PPP1R9A: variants seen among roughly 807,000 people sequenced by gnomAD.
The protein encoded by PPP1R9A is neurabin-1.
In PPP1R9A, 59 loss-of-function variants were observed where a neutral mutation model predicts 141.9. The ratio of observed to expected loss-of-function variants is 0.42; its 90% CI spans 0.34 to 0.52. The LOEUF (loss-of-function observed/expected upper bound fraction) is 0.52, where lower values mean the gene tolerates loss of function less well. Among genes scored for constraint, PPP1R9A ranks in the 20% least tolerant of loss-of-function variants. The pLI, the probability that PPP1R9A is intolerant of heterozygous loss-of-function variation, is 0.10. For synonymous variants in PPP1R9A, 500 were observed against 569.7 expected, an observed-to-expected ratio of 0.88 and a Z score of 1.74; for missense variants, 1,444 against 1,611.9, an observed-to-expected ratio of 0.90 and a Z score of 1.78.
chr7:95,040,270 A>G (rs900168036), intron 2 of PPP1R9A, among the ~76,000 whole-genome samples: 1 of 152,058 alleles, frequency 6.6e-6, no homozygotes, highest in African/African-American at 2.4e-5. Context: ...AAAAAAGTGT[A>G]TAAGTAAAAA....
At chr7:95,174,465 C>T (rs928580680) in intron 5 of PPP1R9A, among the ~76,000 whole-genome samples, 11 of 151,994 alleles carry the variant, frequency 7.2e-5, no homozygotes, top group South Asian at 2.1e-4. Flanking sequence ...ATACATTTAT[C>T]GAAACTCCTC....
chr7:95,226,753 G>A (rs1358308730), intron 8 of PPP1R9A, among the ~76,000 whole-genome samples: 1 of 152,172 alleles, frequency 6.6e-6, no homozygotes, highest in Non-Finnish European at 1.5e-5. Context: ...AGGCAAGGGA[G>A]TATGGTGATG....
At chr7:95,078,103 T>C (rs1204303550) in intron 2 of PPP1R9A, among the ~76,000 whole-genome samples, 3 of 149,902 alleles carry the variant, frequency 2.0e-5, no homozygotes, top group Non-Finnish European at 4.4e-5. Flanking sequence ...TAGCATTAGG[T>C]ATATCTCCTA....
rs571604498 is a variant in PPP1R9A at position 95,085,266 on chromosome 7, T to A, written c.1396-25993T>A. Among the ~76,000 whole-genome samples the A allele has an allele frequency of 1.1e-3, 171 of 151,942 alleles. 1 individual carries two copies. The highest frequency in any genetic ancestry group is 2.1e-3 in the Non-Finnish European group (142 of 68,006). On this transcript the variant is annotated intron_variant, in intron 2 of 19. Coordinates refer to ENST00000433360, the MANE Select transcript of PPP1R9A (RefSeq NM_001166160.2). ...TATTTATATGAATTTGAGAGCTGTC[T>A]CATAAAAAGAGGAAAACAAGAGATG...
In PPP1R9A at chr7:95,108,302, C is replaced by CGTTTCTTTT. The variant is rs1204011323; in HGVS notation, c.1396-2957_1396-2956insGTTTCTTTT. On this transcript the variant is annotated intron_variant, in intron 2 of 19. Coordinates refer to ENST00000433360, the MANE Select transcript of PPP1R9A (RefSeq NM_001166160.2). ...TTTTCTTTTCTTTTCTTTTTCGTTTCTTTTCTTTTTTTTTTTTTTTTTTTT... is the reference window on the plus strand; with the variant it reads ...TTTTCTTTTCTTTTCTTTTTCGTTTCGTTTCTTTTTTTTCTTTTTTTTTTTTTTTTTTTT... Among the ~76,000 whole-genome samples, 14 of 68,760 alleles carry CGTTTCTTTT rather than the reference C, an allele frequency of 2.0e-4. 1 individual carries two copies. The highest frequency in any genetic ancestry group is 5.9e-4 in the African/African-American group (11 of 18,708). 45.1% of individuals were successfully genotyped at this position (68,760 alleles called of 152,430 possible).
At chr7:95,220,117 T>C (rs935003390) in intron 7 of PPP1R9A, among the ~76,000 whole-genome samples, 2 of 152,080 alleles carry the variant, frequency 1.3e-5, no homozygotes, top group South Asian at 4.1e-4. Context: ...ACTAACATTA[T>C]AAAATTAGGA....
chr7:95,157,530 C>A (rs1584998114), intron 4 of PPP1R9A, among the ~76,000 whole-genome samples: 1 of 152,182 alleles, frequency 6.6e-6, no homozygotes, highest in South Asian at 2.1e-4. Context: ...TTACGCTTGT[C>A]CCCTGCTGCC....
chr7:95,012,842 A>G (rs1170893857), intron 2 of PPP1R9A, among the ~76,000 whole-genome samples: 1 of 152,308 alleles, frequency 6.6e-6, no homozygotes, highest in East Asian at 1.9e-4. Flanking sequence ...ATCACTCAAT[A>G]TGGATTGATT....
In PPP1R9A at chr7:95,218,923, A is replaced by G. The variant is rs557745727; in HGVS notation, c.1957-7038A>G. On this transcript the variant is annotated intron_variant, in intron 7 of 19. Coordinates refer to ENST00000433360, the MANE Select transcript of PPP1R9A (RefSeq NM_001166160.2). The stretch of plus-strand genomic sequence containing the variant: ...CTGATGGGTCTTGACTCTTTATCCA[A>G]TTTGCCAGTCTGTGTCTTTTAATTG... 4.9e-3 allele frequency among the ~76,000 whole-genome samples: 741 copies of G among 152,166 alleles called. 3 individuals are homozygous for G. The highest frequency in any genetic ancestry group is 0.017 in the African/African-American group (696 of 41,524).
At chr7:94,920,192 C>T (rs1383965217) in intron 2 of PPP1R9A, among the ~76,000 whole-genome samples, 1 of 152,020 alleles carries the variant, frequency 6.6e-6, no homozygotes, top group Admixed American at 6.6e-5. Context: ...ATTTTTAGAG[C>T]AACTTGACTT....
At chr7:95,057,058 G>T (rs1811596988) in intron 2 of PPP1R9A, among the ~76,000 whole-genome samples, 1 of 152,028 alleles carries the variant, frequency 6.6e-6, no homozygotes, top group African/African-American at 2.4e-5. Flanking sequence ...ACTTCACTTA[G>T]AAAAGAAAAA....
Position 95,284,065 on chromosome 7 carries a change from C to T in PPP1R9A, c.3344C>T (p.Thr1115Ile). 6.9e-6 allele frequency: 11 copies of T among 1,598,100 alleles called. No individual in the cohort carries two copies. Among genetic ancestry groups the T allele is most frequent in the Non-Finnish European group, 9.3e-6 (11 of 1,178,642 alleles). The stretch of plus-strand genomic sequence containing the variant: ...AACTGGACACCCAAGCCATGTTCAA[C>T]AGCTCAGACCTCCACTCGTTCCCCT... ...LENWTPKPCSTAQTSTRSPCM... is the reference protein window; with the variant it reads ...LENWTPKPCSIAQTSTRSPCM... Residue 1115 changes from threonine (T) to isoleucine (I), a missense_variant, in exon 17 of 20, where the codon ACA becomes ATA. Physicochemically the swap from Thr to Ile is moderately conservative, Grantham distance 89. This residue lies in a region of PPP1R9A where 459 missense variants were observed against 513.8 expected (regional missense o/e 0.89). Coordinates refer to ENST00000433360, the MANE Select transcript of PPP1R9A (RefSeq NM_001166160.2).
chr7:94,934,659 C>T (rs1794549074), intron 2 of PPP1R9A, among the ~76,000 whole-genome samples: 2 of 151,550 alleles, frequency 1.3e-5, no homozygotes. Flanking sequence ...CTTTTGTTAT[C>T]GATGTTATGT....
Position 95,247,676 on chromosome 7 carries a change from A to C in PPP1R9A, c.2166+150A>C, listed in dbSNP as rs1282659779. ...TTTTCACTGTCAGGTACGTAGACAA[A>C]CCTGCCAGTGAGAGCAAACACCCAC... On this transcript the variant is annotated intron_variant, in intron 9 of 19. Coordinates refer to ENST00000433360, the MANE Select transcript of PPP1R9A (RefSeq NM_001166160.2). 115 of 588,622 alleles carry C rather than the reference A, an allele frequency of 2.0e-4. 1 individual carries two copies. The highest frequency in any genetic ancestry group is 2.9e-6 in the Non-Finnish European group (1 of 343,140). 36.5% of individuals were successfully genotyped at this position (588,622 alleles called of 1,614,324 possible).
intron 4 of PPP1R9A, chr7:95,155,070 T>C (rs540513283): frequency 6.6e-6 from 1 of 151,500 alleles, no homozygotes; most frequent in South Asian, 2.1e-4. Context: ...AGAACCAAAA[T>C]GGTGAAGAAC....
At chr7:95,246,143 C>T (rs957658705) in intron 8 of PPP1R9A, among the ~76,000 whole-genome samples, 1 of 152,136 alleles carries the variant, frequency 6.6e-6, no homozygotes, top group South Asian at 2.1e-4. Flanking sequence ...GTCCTTGGTT[C>T]TTCCATCTTC....
intron 4 of PPP1R9A, among the ~76,000 whole-genome samples, chr7:95,144,999 A>G (rs1161383042): frequency 6.6e-6 from 1 of 152,232 alleles, no homozygotes; most frequent in Non-Finnish European, 1.5e-5. Context: ...ATCAAAAAGA[A>G]TAAAATACTT....
At chr7:95,162,022 T>A in intron 5 of PPP1R9A, 51 bp downstream of exon 5, 1 of 1,153,302 alleles carries the variant, frequency 8.7e-7, no homozygotes, top group Non-Finnish European at 1.2e-6. Flanking sequence ...AGTTGAATTT[T>A]AATTTTCTAT....
intron 2 of PPP1R9A, among the ~76,000 whole-genome samples, chr7:95,083,497 C>T (rs1229436441): frequency 6.6e-6 from 1 of 151,838 alleles, no homozygotes; most frequent in Non-Finnish European, 1.5e-5. Flanking sequence ...TCCTCAACTT[C>T]CAAGGTGCCA....
Sources: gnomAD v4.1 joint callset for allele counts (sites outside exome capture counted in the v4.1 genomes callset) on GRCh38, gnomAD v4.1.1 for gene constraint, gnomAD v4.1.1 regional missense constraint, MANE v1.5 for transcripts, NCBI Gene and HGNC (gene_info 2026-07-23, HGNC 2026-07-21) for gene names.